TMPRSS7: variants seen among roughly 807,000 people sequenced by gnomAD.
TMPRSS7 encodes transmembrane serine protease 7.
A neutral mutation model predicts 95.6 loss-of-function variants in TMPRSS7; 81 were observed. That is an observed-to-expected ratio of 0.85 (90% CI 0.71 to 1.02). The LOEUF (loss-of-function observed/expected upper bound fraction) is 1.02. Ranked by LOEUF, TMPRSS7 falls within the 50% of genes least tolerant of loss-of-function variation. TMPRSS7 has a pLI of 0.00. For synonymous variants in TMPRSS7, 364 were observed against 337.8 expected, an observed-to-expected ratio of 1.08 and a Z score of -0.85; for missense variants, 945 against 955.2, an observed-to-expected ratio of 0.99 and a Z score of 0.14.
Position 112,075,350 on chromosome 3 carries a change from C to T in TMPRSS7, c.1813C>T (p.Arg605Cys), listed in dbSNP as rs1353025090. 4.8e-6 allele frequency: 7 copies of T among 1,456,768 alleles called. No individual in the cohort carries two copies. The highest frequency in any genetic ancestry group is 1.5e-5 in the South Asian group (1 of 65,670). 90.2% of individuals were successfully genotyped at this position (1,456,768 alleles called of 1,614,324 possible). Residue 605 changes from arginine (R) to cysteine (C), a missense_variant, in exon 15 of 18, where the codon CGC (arginine) becomes TGC (cysteine). Physicochemically the swap from Arg to Cys is radical, Grantham distance 180 (BLOSUM62 -3). Transcript: ENST00000452346. ...CAGCAGGAGTTCCTCCGCCCTTCAC[C>T]GCATCATCGGAGGCACAGACACCCT...
chr3:112,069,518 A>G (rs2073616994), intron 13 of TMPRSS7, among the ~76,000 whole-genome samples: 1 of 152,230 alleles, frequency 6.6e-6, no homozygotes, highest in Non-Finnish European at 1.5e-5. Context: ...TTATTGGTCT[A>G]TTCAGAGATT....
exon 14 of TMPRSS7, chr3:112,074,304 T>C (rs1032838647): frequency 1.9e-6 from 3 of 1,612,654 alleles, no homozygotes; most frequent in East Asian, 2.2e-5. Flanking sequence ...AGGTATTCCA[T>C]GCAACAACAG....
At chr3:112,042,141 G>A in intron 3 of TMPRSS7, 91 bp downstream of exon 3, 2 of 1,112,830 alleles carry the variant, frequency 1.8e-6, no homozygotes, top group Non-Finnish European at 2.6e-6. Flanking sequence ...TGTCACAGGT[G>A]AGCAGGGTTT....
intron 13 of TMPRSS7, 85 bp from the exon 14 acceptor site, chr3:112,074,211 G>T: frequency 1.1e-6 from 1 of 918,734 alleles, no homozygotes; most frequent in Non-Finnish European, 1.7e-6. Context: ...ATTTTTTATG[G>T]GGTTTGGAGT....
In TMPRSS7 at chr3:112,049,927, G is replaced by A. The variant is rs1200709943; in HGVS notation, c.1043G>A (p.Arg348Gln). ...GTGACATTTAAGTCTCCTCATATAC[G>A]GAGGCTCTCAGGAATCCGGGCATAT... Residue 348 changes from arginine (R) to glutamine (Q), a missense_variant, in exon 8 of 18, where the codon CGG (arginine) becomes CAG (glutamine). Coordinates refer to ENST00000452346, the Ensembl canonical transcript of TMPRSS7. The A allele has an allele frequency of 7.9e-5, 123 of 1,566,820 alleles. 1 individual carries two copies. The highest frequency in any genetic ancestry group is 9.4e-5 in the Non-Finnish European group (108 of 1,146,688).
chr3:112,041,804 A>G, intron 2 of TMPRSS7, 116 bp from the exon 3 acceptor site: 1 of 672,618 alleles, frequency 1.5e-6, no homozygotes, highest in Non-Finnish European at 2.6e-6. Flanking sequence ...ACCAGTTAGT[A>G]TGTAGCTGCC....
At chr3:112,078,540 T>C (rs73856352) in intron 16 of TMPRSS7, among the ~76,000 whole-genome samples, 1,811 of 152,314 alleles carry the variant, frequency 0.012, 44 homozygotes, top group East Asian at 0.065. Context: ...TACTTGCTAG[T>C]GGTGTGTCAC....
chr3:112,042,626 CA>C (rs2073224000), intron 3 of TMPRSS7, among the ~76,000 whole-genome samples: 1 of 152,128 alleles, frequency 6.6e-6, no homozygotes, highest in Non-Finnish European at 1.5e-5. Flanking sequence ...TATAAACTAA[CA>C]TTTTCTCTTA....
intron 3 of TMPRSS7, among the ~76,000 whole-genome samples, 187 bp downstream of exon 3, chr3:112,042,237 TC>T (rs1185520462): frequency 7.2e-5 from 11 of 151,996 alleles, no homozygotes; most frequent in Non-Finnish European, 1.5e-4. Context: ...ATAGAATTTC[TC>T]CCCCTGCCCC....
chr3:112,047,182 A>G (rs1210278017), intron 6 of TMPRSS7, among the ~76,000 whole-genome samples, 170 bp downstream of exon 6: 1 of 152,196 alleles, frequency 6.6e-6, no homozygotes, highest in Admixed American at 6.5e-5. Flanking sequence ...TGTAAGTGGG[A>G]CATACATGGA....
At chr3:112,052,939 T>C (rs1287353869) in intron 9 of TMPRSS7, among the ~76,000 whole-genome samples, 1 of 150,886 alleles carries the variant, frequency 6.6e-6, no homozygotes, top group Non-Finnish European at 1.5e-5. Flanking sequence ...AAAAAAAAAG[T>C]CTTTAGAAGG....
chr3:112,080,527 CACTACTACT>C (rs34943450), intron 17 of TMPRSS7, among the ~76,000 whole-genome samples: 3 of 145,934 alleles, frequency 2.1e-5, no homozygotes, highest in African/African-American at 7.8e-5. Flanking sequence ...TTTTAGCCCT[CACTACTACT>C]ACTACTACTA....
intron 1 of TMPRSS7, among the ~76,000 whole-genome samples, chr3:112,036,045 G>T (rs568492721): frequency 6.6e-6 from 1 of 152,066 alleles, no homozygotes; most frequent in Non-Finnish European, 1.5e-5. Flanking sequence ...CATGCTTTAC[G>T]AACAATTTGT....
At chr3:112,050,379 GTC>G (rs1479673716) in intron 8 of TMPRSS7, among the ~76,000 whole-genome samples, 1 of 152,124 alleles carries the variant, frequency 6.6e-6, no homozygotes, top group Non-Finnish European at 1.5e-5. Context: ...TGCTGCTGGT[GTC>G]TCTGAGTTCA....
At chr3:112,035,727 T>G (rs2073146211) in intron 1 of TMPRSS7, among the ~76,000 whole-genome samples, 1 of 152,230 alleles carries the variant, frequency 6.6e-6, no homozygotes, top group Non-Finnish European at 1.5e-5. Context: ...AGCTAAACTC[T>G]TGAATACATT....
At chr3:112,075,513 C>A in intron 15 of TMPRSS7, 21 bp downstream of exon 15, 1 of 1,409,142 alleles carries the variant, frequency 7.1e-7, no homozygotes, top group African/African-American at 1.5e-5. Context: ...ACGGTCCTTA[C>A]TTTCAAGTGG....
At chr3:112,039,009 AC>A (rs1488056113) in intron 2 of TMPRSS7, among the ~76,000 whole-genome samples, 1 of 152,098 alleles carries the variant, frequency 6.6e-6, no homozygotes, top group African/African-American at 2.4e-5. Context: ...TCCTCATTCC[AC>A]CCACCACCTG....
At chr3:112,057,605 A>G (rs1275404927) in intron 10 of TMPRSS7, among the ~76,000 whole-genome samples, 3 of 152,232 alleles carry the variant, frequency 2.0e-5, no homozygotes, top group Non-Finnish European at 4.4e-5. Context: ...TGTAGAACCA[A>G]TGTACTAGGT....
At chr3:112,062,279 A>G (rs2073518457) in intron 11 of TMPRSS7, among the ~76,000 whole-genome samples, 1 of 152,226 alleles carries the variant, frequency 6.6e-6, no homozygotes, top group Non-Finnish European at 1.5e-5. Context: ...GTTTACACCA[A>G]CATGTAGTGG....
Sources: gnomAD v4.1 joint callset for allele counts (sites outside exome capture counted in the v4.1 genomes callset) on GRCh38, gnomAD v4.1.1 for gene constraint, MANE v1.5 for transcripts, NCBI Gene and HGNC (gene_info 2026-07-23, HGNC 2026-07-21) for gene names.